Variants in CHST11 observed in about 807,000 individuals in gnomAD.
The protein encoded by CHST11 is carbohydrate sulfotransferase 11.
In CHST11, 9 loss-of-function variants were observed where a neutral mutation model predicts 30.4. That is an observed-to-expected ratio of 0.30 (90% CI 0.18 to 0.52). CHST11 has a LOEUF of 0.52. CHST11 is among the 20% of genes least tolerant of loss of function. The probability of loss-of-function intolerance (pLI) is 0.97; values close to 1 mark genes in which losing one functional copy is unlikely to be tolerated. For missense variants in CHST11, 348 were observed against 460.6 expected (o/e 0.76, Z 2.24); for synonymous variants, 152 against 187.8 (o/e 0.81, Z 1.56).
intron 1 of CHST11, among the ~76,000 whole-genome samples, chr12:104,485,445 C>G (rs751589872): frequency 6.6e-6 from 1 of 152,174 alleles, no homozygotes; most frequent in Admixed American, 6.5e-5. Flanking sequence ...CTGCAGGGAG[C>G]GGGGCTCGGA....
intron 1 of CHST11, among the ~76,000 whole-genome samples, chr12:104,494,716 G>C (rs1882492): frequency 7.2e-5 from 11 of 151,920 alleles, no homozygotes; most frequent in Non-Finnish European, 1.2e-4. Context: ...TGATTGACTC[G>C]GAGGCATCTA....
At chr12:104,709,270 G>A (rs990048980) in intron 2 of CHST11, among the ~76,000 whole-genome samples, 19 of 152,176 alleles carry the variant, frequency 1.2e-4, no homozygotes, top group Admixed American at 5.2e-4. Context: ...CCCAGGGTTC[G>A]CTCCAGGGCC....
In CHST11 at chr12:104,601,946, G is replaced by A. The variant is rs2038960688; in HGVS notation, c.159G>A (p.Arg53=). Residue 53 remains arginine (R), a synonymous_variant, in exon 2 of 3, where the codon CGG becomes CGA. Transcript: ENST00000303694. ...RNPFGVDICC[R]KGSRSPLQEL... Reference sequence around the variant, plus strand: ...CCTTTGGTGTGGACATCTGCTGCCGGAAGGGGTCCCGAAGCCCCCTGCAGG... The same window carrying A: ...CCTTTGGTGTGGACATCTGCTGCCGAAAGGGGTCCCGAAGCCCCCTGCAGG... 2 of 1,613,930 alleles carry A rather than the reference G, an allele frequency of 1.2e-6. No individual in the cohort carries two copies. The highest frequency in any genetic ancestry group is 1.7e-6 in the Non-Finnish European group (2 of 1,180,020).
At chr12:104,626,063 C>T (rs776071913) in intron 2 of CHST11, among the ~76,000 whole-genome samples, 1 of 152,184 alleles carries the variant, frequency 6.6e-6, no homozygotes, top group Admixed American at 6.5e-5. Flanking sequence ...CTTCCACACT[C>T]ACACAGGGGG....
At chr12:104,720,523 G>A (rs1333587392) in intron 2 of CHST11, among the ~76,000 whole-genome samples, 2 of 150,180 alleles carry the variant, frequency 1.3e-5, no homozygotes, top group African/African-American at 5.0e-5. Context: ...GCGCTGGGAG[G>A]GTCTCCCGGG....
intron 2 of CHST11, among the ~76,000 whole-genome samples, chr12:104,609,166 C>T (rs2039034577): frequency 6.6e-6 from 1 of 152,168 alleles, no homozygotes; most frequent in Admixed American, 6.5e-5. Flanking sequence ...GTCAATTAAT[C>T]CCTTATTTAC....
chr12:104,570,911 G>A (rs1451881409), intron 1 of CHST11, among the ~76,000 whole-genome samples: 1 of 152,048 alleles, frequency 6.6e-6, no homozygotes, highest in Non-Finnish European at 1.5e-5. Flanking sequence ...GGCTGGTCTC[G>A]AACTCCTGAC....
intron 1 of CHST11, among the ~76,000 whole-genome samples, chr12:104,555,851 G>A (rs531317879): frequency 7.4e-4 from 113 of 152,250 alleles, no homozygotes; most frequent in Non-Finnish European, 1.3e-3. Flanking sequence ...GTTGGCAGCC[G>A]CACAAAGGCA....
intron 2 of CHST11, among the ~76,000 whole-genome samples, chr12:104,744,844 CATTTATTT>C (rs142255091): frequency 0.016 from 2,405 of 148,190 alleles, 35 homozygotes; most frequent in South Asian, 0.028. Context: ...ATCCCAGCAT[CATTTATTT>C]ATTTATTTAT....
intron 2 of CHST11, among the ~76,000 whole-genome samples, chr12:104,732,596 C>A (rs527999999): frequency 6.6e-6 from 1 of 152,318 alleles, no homozygotes; most frequent in South Asian, 2.1e-4. Flanking sequence ...GGCGGGAGTG[C>A]CTGTCATGCA....
chr12:104,535,896 G>T (rs1468630112), intron 1 of CHST11, among the ~76,000 whole-genome samples: 3 of 152,182 alleles, frequency 2.0e-5, no homozygotes, highest in Non-Finnish European at 4.4e-5. Flanking sequence ...ATTCATTCTA[G>T]AGTCCCATAT....
chr12:104,738,794 G>A (rs1456782860), intron 2 of CHST11, among the ~76,000 whole-genome samples: 1 of 152,266 alleles, frequency 6.6e-6, no homozygotes, highest in Non-Finnish European at 1.5e-5. Context: ...CTGCCACACT[G>A]CATTGCCATC....
At chr12:104,575,664 T>A (rs2038677159) in intron 1 of CHST11, among the ~76,000 whole-genome samples, 1 of 151,820 alleles carries the variant, frequency 6.6e-6, no homozygotes, top group African/African-American at 2.4e-5. Context: ...TTGGGTGGAG[T>A]GCAGGTTGCA....
intron 1 of CHST11, among the ~76,000 whole-genome samples, chr12:104,566,558 G>A (rs1207201877): frequency 6.6e-6 from 1 of 152,200 alleles, no homozygotes; most frequent in Non-Finnish European, 1.5e-5. Flanking sequence ...GACCTGTGGG[G>A]TGTGCTCTCA....
intron 2 of CHST11, among the ~76,000 whole-genome samples, chr12:104,611,679 C>T (rs1566007402): frequency 6.6e-6 from 1 of 152,108 alleles, no homozygotes; most frequent in Non-Finnish European, 1.5e-5. Context: ...TCAGGGTGGA[C>T]GGTTTCCTGG....
At chr12:104,520,422 C>T (rs759689252) in intron 1 of CHST11, among the ~76,000 whole-genome samples, 15 of 151,874 alleles carry the variant, frequency 9.9e-5, no homozygotes, top group African/African-American at 3.4e-4. Context: ...GTAAGAAGGG[C>T]GGGTTAGTAC....
intron 2 of CHST11, among the ~76,000 whole-genome samples, chr12:104,623,161 C>T (rs1013845363): frequency 5.9e-5 from 9 of 152,198 alleles, no homozygotes; most frequent in Non-Finnish European, 1.3e-4. Context: ...GGGTTCCCTG[C>T]TTTAGACTGT....
intron 2 of CHST11, among the ~76,000 whole-genome samples, chr12:104,637,805 C>T (rs555970595): frequency 9.2e-5 from 14 of 152,240 alleles, no homozygotes; most frequent in Non-Finnish European, 1.8e-4. Flanking sequence ...ACTTGGTCTG[C>T]TTCCTGCTCA....
chr12:104,602,822 C>T (rs749247813), intron 2 of CHST11, among the ~76,000 whole-genome samples: 2 of 152,194 alleles, frequency 1.3e-5, no homozygotes, highest in African/African-American at 2.4e-5. Flanking sequence ...TTTAATACTT[C>T]TTTGGACCAA....
Sources: gnomAD v4.1 joint callset for allele counts (sites outside exome capture counted in the v4.1 genomes callset) on GRCh38, gnomAD v4.1.1 for gene constraint, MANE v1.5 for transcripts, NCBI Gene and HGNC (gene_info 2026-07-23, HGNC 2026-07-21) for gene names.